The following CDC6 variants were observed in gnomAD, a reference collection of about 807,000 sequenced individuals.
The protein encoded by CDC6 is cell division cycle 6, also known as DNA replication factor CDC6.
A neutral mutation model predicts 60.2 loss-of-function variants in CDC6; 46 were observed. That is an observed-to-expected ratio of 0.76 (90% CI 0.60 to 0.98). The LOEUF is 0.98. Among genes scored for constraint, CDC6 ranks in the 50% least tolerant of loss-of-function variants. The pLI is 0.00. For missense variants in CDC6, 596 were observed against 652.9 expected (o/e 0.91, Z 0.95); for synonymous variants, 210 against 233.2 (o/e 0.90, Z 0.90).
intron 9 of CDC6, among the ~76,000 whole-genome samples, chr17:40,299,751 G>GAAA (rs71300055): frequency 2.6e-5 from 2 of 77,700 alleles, no homozygotes. Context: ...ATACCAAAAA[G>GAAA]AAAAAAAAAA....
chr17:40,289,299 C>A, intron 1 of CDC6, 109 bp from the exon 2 acceptor site: 1 of 900,462 alleles, frequency 1.1e-6, no homozygotes, highest in Non-Finnish European at 1.8e-6. Flanking sequence ...AGTGTGATAA[C>A]ATAATTAGGA....
At chr17:40,299,971 CT>C (rs964652668) in intron 9 of CDC6, among the ~76,000 whole-genome samples, 37 of 148,248 alleles carry the variant, frequency 2.5e-4, no homozygotes, top group Non-Finnish European at 3.9e-4. Flanking sequence ...TTTTCCCTTT[CT>C]TTTTTTTTTA....
rs1486663614 is a variant in CDC6 at position 40,291,156 on chromosome 17, G to C, written c.277G>C (p.Gly93Arg). The C allele has an allele frequency of 6.2e-7, 1 of 1,614,116 alleles. No individual in the cohort carries two copies. Among genetic ancestry groups the C allele is most frequent in the Admixed American group, 1.7e-5 (1 of 60,012 alleles). Residue 93 changes from glycine (G) to arginine (R), a missense_variant, in exon 3 of 12, where the codon GGA (glycine) becomes CGA (arginine). Gly to Arg is a moderately radical substitution (Grantham distance 125). Transcript: ENST00000209728. ...TCCCCCTCACTCACATACACTTAAGGGACGAAGATTGGTATTTGACAATCA... is the reference window on the plus strand; with the variant it reads ...TCCCCCTCACTCACATACACTTAAGCGACGAAGATTGGTATTTGACAATCA... ...NGPPHSHTLKGRRLVFDNQLT... is the reference protein window; with the variant it reads ...NGPPHSHTLKRRRLVFDNQLT...
At chr17:40,296,811 C>G in intron 9 of CDC6, 44 bp downstream of exon 9, 1 of 1,227,362 alleles carries the variant, frequency 8.1e-7, no homozygotes, top group South Asian at 1.2e-5. Context: ...TAACTAGAAG[C>G]TTAGCTTTTC....
intron 8 of CDC6, 28 bp downstream of exon 8, chr17:40,295,484 T>C: frequency 7.2e-7 from 1 of 1,390,292 alleles, no homozygotes. Context: ...TGCATTCTTT[T>C]ATTAAAAAAA....
At chr17:40,292,438 C>T (rs2032778169) in intron 4 of CDC6, among the ~76,000 whole-genome samples, 1 of 151,016 alleles carries the variant, frequency 6.6e-6, no homozygotes, top group Non-Finnish European at 1.5e-5. Flanking sequence ...TGAGACCACC[C>T]TGGTCAACAT....
chr17:40,288,807 G>T (rs1056468095), intron 1 of CDC6, among the ~76,000 whole-genome samples: 10 of 152,032 alleles, frequency 6.6e-5, no homozygotes, highest in African/African-American at 2.2e-4. Flanking sequence ...GATGGTCTCG[G>T]CCCGTCTCGG....
At chr17:40,298,811 T>C (rs1417880890) in intron 9 of CDC6, among the ~76,000 whole-genome samples, 4 of 152,178 alleles carry the variant, frequency 2.6e-5, no homozygotes, top group African/African-American at 9.7e-5. Flanking sequence ...TGAAACATAG[T>C]GGGTTCTCCA....
In CDC6 at chr17:40,287,975, A is replaced by T. The variant is rs1323353215; in HGVS notation, c.-129A>T. On this transcript the variant is annotated 5_prime_UTR_variant, in exon 1 of 12. Transcript: ENST00000209728. ...GTGAGTCCGAGAGGCTGCGTGTGAG[A>T]GACGTGAGAAGGATCCTGCACTGAG... 6 of 153,276 alleles carry T rather than the reference A, an allele frequency of 3.9e-5. No homozygotes were observed. The allele number at this position is 153,276 out of a possible 1,614,324, so 9.5% of individuals were successfully genotyped here.
intron 1 of CDC6, among the ~76,000 whole-genome samples, chr17:40,289,027 G>T (rs575630856): frequency 2.0e-5 from 3 of 152,176 alleles, no homozygotes; most frequent in African/African-American, 7.2e-5. Flanking sequence ...TTATTGCATC[G>T]CTCAATTGGT....
chr17:40,290,015 G>A (rs1036858900), intron 2 of CDC6, among the ~76,000 whole-genome samples: 3 of 151,668 alleles, frequency 2.0e-5, no homozygotes, highest in African/African-American at 7.3e-5. Flanking sequence ...ATGAGCTACC[G>A]CTCCTGGCCT....
At chr17:40,288,926 C>G (rs959148349) in intron 1 of CDC6, among the ~76,000 whole-genome samples, 2 of 151,752 alleles carry the variant, frequency 1.3e-5, no homozygotes, top group African/African-American at 4.8e-5. Flanking sequence ...GTCTCGAACT[C>G]CTGACCTCAG....
rs1274185666 is a variant in CDC6 at position 40,293,622 on chromosome 17, GC to G, written c.831del (p.Met278Ter). 1.9e-6 allele frequency: 3 copies of G among 1,611,926 alleles called. No individual in the cohort carries two copies. In the Admixed American group the frequency reaches 5.0e-5, roughly 27 times the overall value. On this transcript the variant is annotated frameshift_variant, in exon 5 of 12. Coordinates refer to ENST00000209728, the MANE Select transcript of CDC6 (RefSeq NM_001254.4). LOFTEE classifies it high-confidence loss of function. The part of the protein sequence containing the change: ...KLEKHMTAEK[G>X]PMIVLVLDEM... ...GAAAAACATATGACTGCAGAGAAGG[GC>G]CCCATGATGTAAGTATTGTTCTGCT... is the stretch of plus-strand genomic sequence containing the variant.
chr17:40,289,703 CTTTTTTTTTT>C (rs34020648), intron 2 of CDC6, 105 bp downstream of exon 2: 70 of 333,850 alleles, frequency 2.1e-4, no homozygotes, highest in Non-Finnish European at 3.5e-4. Context: ...GTTAAGACTT[CTTTTTTTTTT>C]TTTTTTTTTT....
rs541294016 is a variant in CDC6 at position 40,303,354 on chromosome 17, A to G, written c.*1353A>G. 2 of 152,384 alleles carry G rather than the reference A, an allele frequency of 1.3e-5. No homozygotes were observed. Among genetic ancestry groups the G allele is most frequent in the South Asian group, 2.1e-4 (1 of 4,834 alleles). The allele number at this position is 152,384 out of a possible 1,614,324, so 9.4% of individuals were successfully genotyped here. A position where few individuals can be genotyped will look rare whatever the true frequency, so the allele number is the denominator to read the frequency against. ...GTGTGATACGAATGATCTGAGAGCC[A>G]GTGACCAAGTCTGCTTTTCCCTGAG... On this transcript the variant is annotated 3_prime_UTR_variant, in exon 12 of 12. Transcript: ENST00000209728.
chr17:40,297,234 T>C (rs1209422217), intron 9 of CDC6, among the ~76,000 whole-genome samples: 1 of 152,138 alleles, frequency 6.6e-6, no homozygotes, highest in African/African-American at 2.4e-5. Flanking sequence ...CCCAGGATTG[T>C]GAGACCAGCC....
chr17:40,293,935 T>C lies in CDC6; in HGVS notation c.837-15T>C. 6.3e-7 allele frequency: 1 copy of C among 1,596,826 alleles called. No homozygotes were observed. The highest frequency in any genetic ancestry group is 8.6e-7 in the Non-Finnish European group (1 of 1,164,204). On this transcript the variant is annotated splice_polypyrimidine_tract_variant and intron_variant, in intron 5 of 11. Transcript: ENST00000209728. ...AGAAGGTGAATATGGATACTAACTG[T>C]TTCTCTTTTTATAGTGTGTTGGTAT...
chr17:40,289,435 A>G lies in CDC6; in HGVS notation c.15A>G (p.Arg5=). The G allele has an allele frequency of 6.2e-7, 1 of 1,613,892 alleles. No homozygotes were observed. Among genetic ancestry groups the G allele is most frequent in the Non-Finnish European group, 8.5e-7 (1 of 1,179,944 alleles). ...GTGCTGTCGTCATGCCTCAAACCCG[A>G]TCCCAGGCACAGGCTACAATCAGTT... MPQT[R]SQAQATISFP... is the part of the protein sequence containing the mutation. The change falls in exon 2 of 12, where the codon CGA becomes CGG. Residue 5 remains arginine, a synonymous_variant. Coordinates refer to ENST00000209728, the MANE Select transcript of CDC6 (RefSeq NM_001254.4).
At chr17:40,298,070 G>A (rs2032882543) in intron 9 of CDC6, among the ~76,000 whole-genome samples, 1 of 151,990 alleles carries the variant, frequency 6.6e-6, no homozygotes, top group South Asian at 2.1e-4. Context: ...AATTGTTTCT[G>A]GCATTATAGT....
Sources: allele counts gnomAD v4.1 joint callset (sites outside exome capture counted in the v4.1 genomes callset), GRCh38; gene constraint gnomAD v4.1.1; transcripts MANE v1.5; gene names NCBI Gene and HGNC (gene_info 2026-07-23, HGNC 2026-07-21).